Variants in CDK2AP1 observed in about 807,000 individuals in gnomAD.
The protein encoded by CDK2AP1 is cyclin dependent kinase 2 associated protein 1, also known as cyclin-dependent kinase 2-associated protein 1.
In CDK2AP1, 10 loss-of-function variants were observed where a neutral mutation model predicts 14.1. The observed-to-expected ratio is 0.71, with a 90% CI of 0.44 to 1.20. CDK2AP1 has a LOEUF of 1.20. CDK2AP1 is among the 50% of genes most tolerant of loss of function. The probability of loss-of-function intolerance (pLI) is 0.00; values close to 1 mark genes in which losing one functional copy is unlikely to be tolerated. For synonymous variants in CDK2AP1, 59 were observed against 59.8 expected, an observed-to-expected ratio of 0.99 and a Z score of 0.06; for missense variants, 102 against 149.9, an observed-to-expected ratio of 0.68 and a Z score of 1.67.
At chr12:123,271,049 GCCC>G in intron 1 of CDK2AP1, 1 of 948,252 alleles carries the variant, frequency 1.1e-6, no homozygotes, top group Non-Finnish European at 1.3e-6. Flanking sequence ...CAGCCCCGCA[GCCC>G]CGCAGCCCCG....
intron 1 of CDK2AP1, 32 bp downstream of exon 1, chr12:123,271,532 C>T: frequency 1.4e-5 from 14 of 994,062 alleles, no homozygotes; most frequent in Non-Finnish European, 1.7e-5. Flanking sequence ...AACTTGGCGG[C>T]GCTTGGGGCG....
intron 1 of CDK2AP1, among the ~76,000 whole-genome samples, chr12:123,269,398 G>A (rs908258431): frequency 9.8e-5 from 15 of 152,344 alleles, no homozygotes; most frequent in African/African-American, 3.4e-4. Context: ...TCCCTTGTTC[G>A]GGGGCGGGGG....
At chr12:123,268,595 TG>T (rs2048322219) in intron 1 of CDK2AP1, among the ~76,000 whole-genome samples, 1 of 152,238 alleles carries the variant, frequency 6.6e-6, no homozygotes. Context: ...CAGCTTGGGC[TG>T]GAACTGCAAA....
At chr12:123,270,443 G>A (rs2048343946) in intron 1 of CDK2AP1, among the ~76,000 whole-genome samples, 1 of 152,140 alleles carries the variant, frequency 6.6e-6, no homozygotes, top group African/African-American at 2.4e-5. Context: ...AACTCGAGCA[G>A]GAGAGCCAGC....
chr12:123,268,089 C>T (rs1566005161), intron 1 of CDK2AP1: 1 of 753,934 alleles, frequency 1.3e-6, no homozygotes, highest in Non-Finnish European at 1.6e-6. Context: ...CACGCGGCCC[C>T]GCAATGGCGT....
At chr12:123,264,517 A>AATGCGTTCAT (rs1181292371) in intron 3 of CDK2AP1, among the ~76,000 whole-genome samples, 1 of 144,050 alleles carries the variant, frequency 6.9e-6, no homozygotes, top group Non-Finnish European at 1.5e-5. Context: ...CCTCATCTTG[A>AATGCGTTCAT]ATGCGTTCAT....
At chr12:123,263,123 A>AC (rs1354845274) in intron 3 of CDK2AP1, among the ~76,000 whole-genome samples, 1 of 150,180 alleles carries the variant, frequency 6.7e-6, no homozygotes, top group Non-Finnish European at 1.5e-5. Flanking sequence ...CTGAGGCAGA[A>AC]CTGCTTGAAC....
chr12:123,264,581 TC>T lies in CDK2AP1; in HGVS notation c.280+614del, dbSNP rs2048269779. Among the ~76,000 whole-genome samples, 10 of 148,516 alleles carry T rather than the reference TC, an allele frequency of 6.7e-5. No homozygotes were observed. In the South Asian group the frequency reaches 2.2e-3, roughly 33 times the overall value. ...TCTAAAATAGAAATCCTGTCCTACC[TC>T]CACTCCCCTTTTATTTCAGAAGGTA... On this transcript the variant is annotated intron_variant, in intron 3 of 3. Coordinates refer to ENST00000261692, the MANE Select transcript of CDK2AP1 (RefSeq NM_004642.4).
chr12:123,272,235 T>C (rs1179988730), upstream of CDK2AP1: 2 of 152,122 alleles, frequency 1.3e-5, no homozygotes, highest in African/African-American at 4.8e-5. Flanking sequence ...GCCCCAGGAT[T>C]AGAATAACCG....
chr12:123,263,218 A>C (rs572674296), intron 3 of CDK2AP1, among the ~76,000 whole-genome samples: 207 of 151,362 alleles, frequency 1.4e-3, no homozygotes, highest in South Asian at 3.1e-3. Flanking sequence ...CTCAAAAAAA[A>C]AAAAAAAACA....
intron 1 of CDK2AP1, 38 bp from the exon 2 acceptor site, chr12:123,267,320 G>C (rs778474128): frequency 7.5e-7 from 1 of 1,335,376 alleles, no homozygotes; most frequent in South Asian, 1.2e-5. Context: ...AGTCAGCTCA[G>C]CCAGTTGTAC....
chr12:123,264,482 AAAAAAAAAAG>A, intron 3 of CDK2AP1, among the ~76,000 whole-genome samples: 1 of 150,252 alleles, frequency 6.7e-6, no homozygotes, highest in Non-Finnish European at 1.5e-5. Flanking sequence ...AAAAAAAAAA[AAAAAAAAAAG>A]AGCCCCAAGT....
intron 1 of CDK2AP1, among the ~76,000 whole-genome samples, chr12:123,268,658 G>A (rs920345647): frequency 2.6e-5 from 4 of 152,202 alleles, no homozygotes; most frequent in Non-Finnish European, 5.9e-5. Flanking sequence ...CCGAGCCTCA[G>A]TTTCCACGCC....
At position 123,265,367 on chromosome 12, in the gene CDK2AP1, G is replaced by A. The variant is rs781247957; in HGVS notation, c.154-45C>T. On this transcript the variant is annotated intron_variant, in intron 2 of 3. Transcript: ENST00000261692. This position sits in a 1 kb window ranked among gnomAD's most constrained non-coding sequence, Gnocchi z 5.3. The stretch of plus-strand genomic sequence containing the variant: ...GGTTCAGCAAAATCAGCCGGGCGTG[G>A]TGGTGCGTGCCTGTAGTCCCAGTTA... 7 of 1,606,798 alleles carry A rather than the reference G, an allele frequency of 4.4e-6. No individual in the cohort carries two copies. In the South Asian group the frequency reaches 4.4e-5, roughly 10 times the overall value.
chr12:123,266,529 G>C (rs1174487137), intron 2 of CDK2AP1, among the ~76,000 whole-genome samples: 1 of 152,250 alleles, frequency 6.6e-6, no homozygotes, highest in African/African-American at 2.4e-5. Context: ...GACCTTCCCC[G>C]GGGCGGCTCA....
chr12:123,269,763 G>A lies in CDK2AP1; in HGVS notation c.55+1801C>T, dbSNP rs977062132. Among the ~76,000 whole-genome samples, 12 of 152,352 alleles carry A rather than the reference G, an allele frequency of 7.9e-5. No homozygotes were observed. In the South Asian group the frequency reaches 2.5e-3, roughly 32 times the overall value. ...GCCGCGGCTTGGCAACCCGTGAACA[G>A]GAGGCAGGGCTGCAGGGCGTGAGGG... On this transcript the variant is annotated intron_variant, in intron 1 of 3. Coordinates refer to ENST00000261692, the MANE Select transcript of CDK2AP1 (RefSeq NM_004642.4).
In CDK2AP1 at chr12:123,265,156, A is replaced by G; in HGVS notation, c.280+40T>C. On this transcript the variant is annotated intron_variant, in intron 3 of 3. Coordinates refer to ENST00000261692, the MANE Select transcript of CDK2AP1 (RefSeq NM_004642.4). The surrounding 1 kb of genome is among the most constrained non-coding windows in gnomAD (Gnocchi z 5.3). ...AAAGTCTTTCCAGAGTTAAAGGTCT[A>G]GCACTGTGGTCACCGACAGGGCAGC... 6.2e-7 allele frequency: 1 copy of G among 1,613,360 alleles called. No individual in the cohort carries two copies. The highest frequency in any genetic ancestry group is 1.1e-5 in the South Asian group (1 of 91,048).
intron 2 of CDK2AP1, among the ~76,000 whole-genome samples, chr12:123,266,350 C>T (rs1373651913): frequency 2.0e-5 from 3 of 152,268 alleles, no homozygotes; most frequent in African/African-American, 7.2e-5. Context: ...CCACAGCCAC[C>T]GCTTCTTCAG....
At chr12:123,264,383 C>G (rs578025290) in intron 3 of CDK2AP1, among the ~76,000 whole-genome samples, 1 of 147,690 alleles carries the variant, frequency 6.8e-6, no homozygotes, top group Non-Finnish European at 1.5e-5. Flanking sequence ...TCGCTTGAAC[C>G]CAGGAGGCGG....
Sources: gnomAD v4.1 joint callset for allele counts (sites outside exome capture counted in the v4.1 genomes callset) on GRCh38, gnomAD v4.1.1 for gene constraint, Gnocchi (gnomAD v3.1) non-coding constraint, MANE v1.5 for transcripts, NCBI Gene and HGNC (gene_info 2026-07-23, HGNC 2026-07-21) for gene names.